FBXL18: variants seen among roughly 807,000 people sequenced by gnomAD.
The protein encoded by FBXL18 is F-box and leucine rich repeat protein 18.
FBXL18 carries 36 observed loss-of-function variants against 46.0 expected under a neutral mutation model. The observed-to-expected ratio is 0.78, with a 90% CI of 0.60 to 1.03. The LOEUF (loss-of-function observed/expected upper bound fraction) is 1.03, where lower values mean the gene tolerates loss of function less well. Ranked by LOEUF, FBXL18 falls within the 50% of genes least tolerant of loss-of-function variation. The pLI is 0.00. For missense variants in FBXL18, 977 were observed against 1,004.1 expected (o/e 0.97, Z 0.36); for synonymous variants, 557 against 465.3 (o/e 1.20, Z -2.54).
At position 5,477,055 on chromosome 7, in the gene FBXL18, T is replaced by C. The variant is rs567554502; in HGVS notation, c.*4720A>G. On this transcript the variant is annotated 3_prime_UTR_variant, in exon 5 of 5. Transcript: ENST00000382368. This position sits in a 1 kb window ranked among gnomAD's most constrained non-coding sequence, Gnocchi z 4.4. ...GGCGCCCGCCACCACACCCGACTAC[T>C]TTTTTGTATTTTTAGTAGAGACGGG... 1.3e-5 allele frequency: 2 copies of C among 151,992 alleles called. No individual in the cohort carries two copies. The highest frequency in any genetic ancestry group is 2.9e-5 in the Non-Finnish European group (2 of 68,050). The allele number at this position is 151,992 out of a possible 1,614,324, so 9.4% of individuals were successfully genotyped here. A position where few individuals can be genotyped will look rare whatever the true frequency, so the allele number is the denominator to read the frequency against.
chr7:5,505,631 C>A lies in FBXL18; in HGVS notation c.19-1G>T. The A allele has an allele frequency of 6.2e-7, 1 of 1,613,390 alleles. No homozygotes were observed. The highest frequency in any genetic ancestry group is 8.5e-7 in the Non-Finnish European group (1 of 1,179,606). On this transcript the variant is annotated splice_acceptor_variant, in intron 1 of 4. Transcript: ENST00000382368. LOFTEE classifies it high-confidence loss of function. Reference sequence around the variant, plus strand: ...TGTCATCATCATCATTGGATATGTCCTGAAAATAAGGGGGACACCATTCCC... The same window carrying A: ...TGTCATCATCATCATTGGATATGTCATGAAAATAAGGGGGACACCATTCCC...
At chr7:5,488,003 C>G (rs1043490558) in intron 4 of FBXL18, among the ~76,000 whole-genome samples, 1 of 152,260 alleles carries the variant, frequency 6.6e-6, no homozygotes, top group Non-Finnish European at 1.5e-5. Flanking sequence ...CTGCGTGTAA[C>G]CAGCGCCCTC....
chr7:5,504,843 G>A lies in FBXL18; in HGVS notation c.237+569C>T, dbSNP rs1226605444. Among the ~76,000 whole-genome samples the A allele has an allele frequency of 2.9e-5, 4 of 138,588 alleles. No individual in the cohort carries two copies. In the South Asian group the frequency reaches 7.1e-4, roughly 25 times the overall value. 90.9% of individuals were successfully genotyped at this position (138,588 alleles called of 152,430 possible). A position where few individuals can be genotyped will look rare whatever the true frequency, so the allele number is the denominator to read the frequency against. ...AGGCAGGAGAATGGTGTGAACCCGG[G>A]AGGCAGAGCTTGCAGTGAGCCGAGA... On this transcript the variant is annotated intron_variant, in intron 2 of 4. Transcript: ENST00000382368.
chr7:5,499,628 G>C (rs982438743), intron 3 of FBXL18, among the ~76,000 whole-genome samples: 1 of 151,832 alleles, frequency 6.6e-6, no homozygotes, highest in African/African-American at 2.4e-5. Context: ...CTGCTCGGGA[G>C]GCTGAGGTGG....
intron 1 of FBXL18, among the ~76,000 whole-genome samples, chr7:5,506,501 C>T (rs1022622064): frequency 1.3e-5 from 2 of 149,686 alleles, no homozygotes; most frequent in South Asian, 2.1e-4. Flanking sequence ...GTGATTCATC[C>T]GCCTCAGTCT....
At chr7:5,486,438 A>C (rs1051030035) in intron 4 of FBXL18, among the ~76,000 whole-genome samples, 1 of 151,892 alleles carries the variant, frequency 6.6e-6, no homozygotes, top group African/African-American at 2.4e-5. Context: ...AAAAAACAAC[A>C]ACAAAGAAAA....
chr7:5,472,020 C>G (rs972810187), downstream of FBXL18, among the ~76,000 whole-genome samples: 2 of 152,068 alleles, frequency 1.3e-5, no homozygotes, highest in Non-Finnish European at 2.9e-5. Flanking sequence ...CCCAGGAGGT[C>G]GAGGCTGCAG....
At chr7:5,513,510 G>C (rs1013836269) in intron 1 of FBXL18, 147 bp downstream of exon 1, 2 of 914,110 alleles carry the variant, frequency 2.2e-6, no homozygotes, top group Non-Finnish European at 1.8e-6. Flanking sequence ...CGGGAGCAGG[G>C]GCAAGGCCAG....
intron 4 of FBXL18, among the ~76,000 whole-genome samples, chr7:5,467,059 A>T (rs1783351303): frequency 6.6e-6 from 1 of 152,132 alleles, no homozygotes; most frequent in Admixed American, 6.6e-5. Context: ...TCGATTAAAA[A>T]TTTAAAAATT....
intron 3 of FBXL18, chr7:5,495,800 C>A: frequency 2.1e-6 from 1 of 474,562 alleles, no homozygotes; most frequent in Non-Finnish European, 4.4e-6. Flanking sequence ...CCGCAGAAGG[C>A]AGGAATCCAG....
rs369144884 is a variant in FBXL18, at chr7:5,505,399, C to A, written c.237+13G>T. ...TAGCTTGTTTCTCATCTCCTGCCCC[C>A]ACGCCTGCTCACCTGATAGTCCTTT... On this transcript the variant is annotated intron_variant, in intron 2 of 4. Coordinates refer to ENST00000382368, the MANE Select transcript of FBXL18 (RefSeq NM_024963.6). 2.5e-6 allele frequency: 4 copies of A among 1,612,638 alleles called. No homozygotes were observed. Among genetic ancestry groups the A allele is most frequent in the Non-Finnish European group, 3.4e-6 (4 of 1,178,868 alleles).
At chr7:5,467,574 T>C (rs1026938251) in intron 4 of FBXL18, among the ~76,000 whole-genome samples, 5 of 150,188 alleles carry the variant, frequency 3.3e-5, no homozygotes, top group South Asian at 4.2e-4. Flanking sequence ...TCAGGGAACT[T>C]TGCAAATAAA....
rs367804446 is a variant in FBXL18 at position 5,481,901 on chromosome 7, G to A, written c.2031C>T (p.Val677=). The A allele has an allele frequency of 6.8e-6, 11 of 1,612,386 alleles. No homozygotes were observed. Among genetic ancestry groups the A allele is most frequent in the South Asian group, 1.1e-5 (1 of 90,964 alleles). Residue 677 remains valine, a synonymous_variant, in exon 5 of 5, where the codon GTC becomes GTT. Coordinates refer to ENST00000382368, the MANE Select transcript of FBXL18 (RefSeq NM_024963.6). The stretch of plus-strand genomic sequence containing the variant: ...CCTCGTGGAGCAGAGGGAAGATGAC[G>A]ACGTTTAACGCGGGCCGCTCGGCCT... ...SFQAERPALN[V]VIFPLLHEGL...
At chr7:5,498,732 C>T (rs1323884735) in intron 3 of FBXL18, among the ~76,000 whole-genome samples, 4 of 152,066 alleles carry the variant, frequency 2.6e-5, no homozygotes, top group South Asian at 2.1e-4. Context: ...TCCCACGCCC[C>T]GCTAATTTCT....
Position 5,500,979 on chromosome 7 carries a change from C to A in FBXL18, c.1290G>T (p.Pro430=), listed in dbSNP as rs1199714019. The change falls in exon 3 of 5, where the codon CCG becomes CCT. Residue 430 remains proline (P), a synonymous_variant. Transcript: ENST00000382368. ...LPVCSVADSA[P]RADRAPAQPA... is the part of the protein sequence containing the mutation. ...GCTGGGCGGGCGCGCGGTCGGCGCG[C>A]GGCGCGGAGTCAGCGACAGAGCAGA... is the stretch of plus-strand genomic sequence containing the variant. 6.5e-7 allele frequency: 1 copy of A among 1,546,346 alleles called. No homozygotes were observed. Among genetic ancestry groups the A allele is most frequent in the Non-Finnish European group, 8.7e-7 (1 of 1,153,046 alleles).
chr7:5,470,664 C>A (rs911747297), intron 4 of FBXL18, among the ~76,000 whole-genome samples: 1 of 151,872 alleles, frequency 6.6e-6, no homozygotes, highest in Non-Finnish European at 1.5e-5. Flanking sequence ...GAGGCTTCTC[C>A]GACCCCCGGC....
At chr7:5,488,396 G>A (rs947243126) in intron 4 of FBXL18, among the ~76,000 whole-genome samples, 1 of 152,220 alleles carries the variant, frequency 6.6e-6, no homozygotes, top group Non-Finnish European at 1.5e-5. Context: ...CTTCGAGGGT[G>A]GGGCGGGGGG....
chr7:5,492,553 C>T (rs1181890398), intron 3 of FBXL18, among the ~76,000 whole-genome samples: 1 of 152,058 alleles, frequency 6.6e-6, no homozygotes, highest in Non-Finnish European at 1.5e-5. Context: ...CCCCCACACA[C>T]ACACTATGCA....
Position 5,480,460 on chromosome 7 carries a change from G to A in FBXL18, c.*1315C>T, listed in dbSNP as rs367565845. On this transcript the variant is annotated 3_prime_UTR_variant, in exon 5 of 5. Coordinates refer to ENST00000382368, the MANE Select transcript of FBXL18 (RefSeq NM_024963.6). The stretch of plus-strand genomic sequence containing the variant: ...TTTTCTCTTTCTTTTTCAGAGATGG[G>A]GTATCCCTGTGTTGCCCAGGCTGAT... The A allele has an allele frequency of 2.7e-5, 4 of 150,776 alleles. No individual in the cohort carries two copies. The highest frequency in any genetic ancestry group is 9.8e-5 in the African/African-American group (4 of 40,846). The allele number at this position is 150,776 out of a possible 1,614,324, so 9.3% of individuals were successfully genotyped here.
Sources: gnomAD v4.1 joint callset for allele counts (sites outside exome capture counted in the v4.1 genomes callset) on GRCh38, gnomAD v4.1.1 for gene constraint, Gnocchi (gnomAD v3.1) non-coding constraint, MANE v1.5 for transcripts, NCBI Gene and HGNC (gene_info 2026-07-23, HGNC 2026-07-21) for gene names.